ARK2C: variants seen among roughly 807,000 people sequenced by gnomAD.
ARK2C encodes E3 ubiquitin-protein ligase ARK2C.
the ARK2C span, chr18:46,387,231 A>AT: frequency 1.3e-5 from 2 of 152,248 alleles, no homozygotes; most frequent in Non-Finnish European, 2.9e-5. Flanking sequence ...TGAGGCATGC[A>AT]TAAAAAAAGG....
chr18:46,398,261 G>A, the ARK2C span, among the ~76,000 whole-genome samples: 1 of 151,538 alleles, frequency 6.6e-6, no homozygotes, highest in African/African-American at 2.4e-5. Context: ...GTGTGAGGGT[G>A]TGTGTGCATG....
At chr18:46,381,817 C>A in the ARK2C span, among the ~76,000 whole-genome samples, 30 of 147,054 alleles carry the variant, frequency 2.0e-4, no homozygotes, top group East Asian at 5.5e-3. Context: ...GGTGACAGAG[C>A]GAGACCCTGT....
At chr18:46,363,444 C>T in the ARK2C span, among the ~76,000 whole-genome samples, 1 of 152,224 alleles carries the variant, frequency 6.6e-6, no homozygotes. Flanking sequence ...CATGTGCCTG[C>T]CTGGAGACAG....
At chr18:46,365,015 G>T in the ARK2C span, among the ~76,000 whole-genome samples, 1 of 152,148 alleles carries the variant, frequency 6.6e-6, no homozygotes, top group African/African-American at 2.4e-5. Context: ...AAGAGTGAGG[G>T]GTTGGGGGTC....
At chr18:46,442,648 A>G in the ARK2C span, among the ~76,000 whole-genome samples, 1 of 152,194 alleles carries the variant, frequency 6.6e-6, no homozygotes, top group African/African-American at 2.4e-5. Context: ...AGAGTATTCT[A>G]TAAATGTCTC....
the ARK2C span, among the ~76,000 whole-genome samples, chr18:46,382,074 G>A: frequency 2.0e-5 from 3 of 152,202 alleles, no homozygotes; most frequent in East Asian, 5.8e-4. Context: ...GCCTCAGCCT[G>A]GGCATCTGTA....
chr18:46,388,608 G>A, the ARK2C span, among the ~76,000 whole-genome samples: 7 of 152,140 alleles, frequency 4.6e-5, no homozygotes, highest in Non-Finnish European at 8.8e-5. Flanking sequence ...GGGATCTGGG[G>A]AGCGATGGAC....
chr18:46,353,529 C>A, the ARK2C span, among the ~76,000 whole-genome samples: 3 of 152,112 alleles, frequency 2.0e-5, no homozygotes, highest in Non-Finnish European at 4.4e-5. Flanking sequence ...AGTTTGCTCC[C>A]CGTCCGCTAC....
the ARK2C span, among the ~76,000 whole-genome samples, chr18:46,392,192 G>A: frequency 6.6e-6 from 1 of 152,112 alleles, no homozygotes. Context: ...ACATACTGTG[G>A]TCATCCTTGC....
chr18:46,368,359 C>G, the ARK2C span, among the ~76,000 whole-genome samples: 13 of 152,272 alleles, frequency 8.5e-5, no homozygotes, highest in South Asian at 1.0e-3. Context: ...GCCTCCACCC[C>G]CTGCTCATAT....
At chr18:46,338,970 C>G in the ARK2C span, among the ~76,000 whole-genome samples, 1,992 of 152,298 alleles carry the variant, frequency 0.013, 59 homozygotes, top group African/African-American at 0.046. Context: ...CCTCTCCCCC[C>G]ATGGCTGCCC....
the ARK2C span, among the ~76,000 whole-genome samples, chr18:46,442,750 G>C: frequency 6.6e-6 from 1 of 152,004 alleles, no homozygotes; most frequent in Non-Finnish European, 1.5e-5. Flanking sequence ...AAAGGAGGGT[G>C]GATGTCTAGA....
At chr18:46,336,429 T>TACCC in the ARK2C span, 3 of 985,350 alleles carry the variant, frequency 3.0e-6, no homozygotes, top group South Asian at 9.4e-5. Flanking sequence ...AGTTAAAGTT[T>TACCC]ACTTTCACGG....
At chr18:46,414,677 C>G in the ARK2C span, among the ~76,000 whole-genome samples, 7 of 152,306 alleles carry the variant, frequency 4.6e-5, no homozygotes, top group East Asian at 1.3e-3. Context: ...CACAGATGCA[C>G]GCTCACAGAC....
chr18:46,374,725 C>T, the ARK2C span, among the ~76,000 whole-genome samples: 598 of 152,242 alleles, frequency 3.9e-3, 2 homozygotes, highest in Middle Eastern at 0.01. Context: ...ATACGGAGGT[C>T]TAGTAAATAC....
the ARK2C span, chr18:46,337,282 G>A: frequency 4.0e-5 from 39 of 985,204 alleles, no homozygotes; most frequent in African/African-American, 1.2e-4. Flanking sequence ...CAGGGGTAGC[G>A]TGTTCTGCTG....
At chr18:46,378,771 G>A in the ARK2C span, among the ~76,000 whole-genome samples, 3 of 152,138 alleles carry the variant, frequency 2.0e-5, no homozygotes, top group African/African-American at 2.4e-5. Flanking sequence ...TTGGCATCAC[G>A]AAGCATCCAA....
the ARK2C span, among the ~76,000 whole-genome samples, chr18:46,396,571 A>T: frequency 6.2e-4 from 94 of 152,282 alleles, no homozygotes; most frequent in African/African-American, 2.2e-3. Context: ...AAATTATTTC[A>T]ATTTGTTTTC....
the ARK2C span, among the ~76,000 whole-genome samples, chr18:46,406,226 G>C: frequency 6.6e-6 from 1 of 152,158 alleles, no homozygotes; most frequent in East Asian, 1.9e-4. Context: ...AATAGCTCTT[G>C]TTGCATTGAA....
Sources: allele counts gnomAD v4.1 joint callset (sites outside exome capture counted in the v4.1 genomes callset), GRCh38; gene constraint gnomAD v4.1.1; transcripts MANE v1.5; gene names NCBI Gene and HGNC (gene_info 2026-07-23, HGNC 2026-07-21).